USP12: variants seen among roughly 807,000 people sequenced by gnomAD.
USP12 encodes ubiquitin carboxyl-terminal hydrolase 12.
In USP12, 19 loss-of-function variants were observed where a neutral mutation model predicts 45.5. The ratio of observed to expected loss-of-function variants is 0.42; its 90% CI spans 0.29 to 0.61. USP12 has a LOEUF of 0.61. Among genes scored for constraint, USP12 ranks in the 20% least tolerant of loss-of-function variants. The pLI is 0.22. For synonymous variants in USP12, 149 were observed against 148.8 expected (o/e 1.00, Z -0.01); for missense variants, 242 against 447.7 (o/e 0.54, Z 4.15).
intron 6 of USP12, among the ~76,000 whole-genome samples, chr13:27,085,519 C>G (rs1375372558): frequency 6.6e-6 from 1 of 152,040 alleles, no homozygotes; most frequent in African/African-American, 2.4e-5. Context: ...GAACTATGGT[C>G]TGTATACTCA....
intron 4 of USP12, among the ~76,000 whole-genome samples, chr13:27,091,104 T>C (rs1874291233): frequency 6.6e-6 from 1 of 152,006 alleles, no homozygotes; most frequent in South Asian, 2.1e-4. Flanking sequence ...ACAAGATAAC[T>C]GACCTGAGTC....
At chr13:27,142,668 T>C (rs1289115894) in intron 1 of USP12, among the ~76,000 whole-genome samples, 1 of 152,212 alleles carries the variant, frequency 6.6e-6, no homozygotes, top group Non-Finnish European at 1.5e-5. Context: ...TCAAAAAAAT[T>C]ACAGTAGTCA....
intron 1 of USP12, among the ~76,000 whole-genome samples, chr13:27,168,174 A>G (rs1878432756): frequency 6.6e-6 from 1 of 151,968 alleles, no homozygotes; most frequent in African/African-American, 2.4e-5. Context: ...ATCTAATCTC[A>G]TGCCCTTGTA....
chr13:27,070,447 T>C (rs1873195393), intron 8 of USP12, among the ~76,000 whole-genome samples: 1 of 152,118 alleles, frequency 6.6e-6, no homozygotes. Flanking sequence ...GACACATGTA[T>C]AAAAATTCAT....
At chr13:27,146,639 A>G (rs1006542798) in intron 1 of USP12, among the ~76,000 whole-genome samples, 1 of 151,990 alleles carries the variant, frequency 6.6e-6, no homozygotes, top group Non-Finnish European at 1.5e-5. Flanking sequence ...CCTAAAATGA[A>G]CCAATTGCTA....
At chr13:27,086,857 C>T (rs1049582521) in intron 6 of USP12, among the ~76,000 whole-genome samples, 1 of 152,204 alleles carries the variant, frequency 6.6e-6, no homozygotes, top group Non-Finnish European at 1.5e-5. Context: ...CTTTGAGGTG[C>T]TCCCCATCAT....
In USP12 at chr13:27,171,680, CGGGCGGGGGAGGA is replaced by C. The variant is rs777231624; in HGVS notation, c.-54_-42del. 8.7e-7 allele frequency: 1 copy of C among 1,153,866 alleles called. No individual in the cohort carries two copies. Among genetic ancestry groups the C allele is most frequent in the African/African-American group, 1.7e-5 (1 of 60,498 alleles). The allele number at this position is 1,153,866 out of a possible 1,614,324, so 71.5% of individuals were successfully genotyped here. A position where few individuals can be genotyped will look rare whatever the true frequency, so the allele number is the denominator to read the frequency against. On this transcript the variant is annotated 5_prime_UTR_variant, in exon 1 of 9. Coordinates refer to ENST00000282344, the MANE Select transcript of USP12 (RefSeq NM_182488.4). ...TTCCACCCAATCACAGCGGCGGCGG[CGGGCGGGGGAGGA>C]GGGGAGCCGGGCCGCCCGCTCGCAC...
intron 6 of USP12, among the ~76,000 whole-genome samples, chr13:27,089,051 T>C (rs1466436113): frequency 1.3e-5 from 2 of 152,172 alleles, no homozygotes; most frequent in Non-Finnish European, 2.9e-5. Flanking sequence ...TAACTTATGA[T>C]TATCAAAAGT....
At position 27,129,315 on chromosome 13, in the gene USP12, T is replaced by C. The variant is rs943692158; in HGVS notation, c.49-12719A>G. Among the ~76,000 whole-genome samples, 2 of 152,238 alleles carry C rather than the reference T, an allele frequency of 1.3e-5. No individual in the cohort carries two copies. The highest frequency in any genetic ancestry group is 6.5e-5 in the Admixed American group (1 of 15,292). ...TATAAAATGTGGTTCTCTCTTACCA[T>C]TTTCCAGCTATAAAACTGTGGAAGA... On this transcript the variant is annotated intron_variant, in intron 1 of 8. Coordinates refer to ENST00000282344, the MANE Select transcript of USP12 (RefSeq NM_182488.4). The surrounding 1 kb of genome is among the most constrained non-coding windows in gnomAD (Gnocchi z 4.0).
chr13:27,099,886 G>A (rs981027880), intron 3 of USP12, among the ~76,000 whole-genome samples: 2 of 152,154 alleles, frequency 1.3e-5, no homozygotes, highest in Non-Finnish European at 2.9e-5. Context: ...AAAGTCATGA[G>A]TTCTAAGAGC....
At chr13:27,127,729 C>T (rs1876307643) in intron 1 of USP12, among the ~76,000 whole-genome samples, 1 of 152,194 alleles carries the variant, frequency 6.6e-6, no homozygotes, top group Non-Finnish European at 1.5e-5. Context: ...TCAACTGCCA[C>T]CACAGAAGCA....
chr13:27,073,007 A>T (rs529113774), intron 7 of USP12, among the ~76,000 whole-genome samples: 3 of 152,338 alleles, frequency 2.0e-5, no homozygotes, highest in African/African-American at 7.2e-5. Flanking sequence ...CTGTTCTCAT[A>T]AGGGAAGTAG....
intron 1 of USP12, among the ~76,000 whole-genome samples, chr13:27,142,273 A>G (rs1877099424): frequency 6.6e-6 from 1 of 152,226 alleles, no homozygotes; most frequent in Non-Finnish European, 1.5e-5. Flanking sequence ...ACGGTATACC[A>G]AACAATTGAC....
chr13:27,070,480 A>G (rs1348895632), intron 8 of USP12, among the ~76,000 whole-genome samples: 2 of 151,366 alleles, frequency 1.3e-5, no homozygotes, highest in Admixed American at 6.6e-5. Flanking sequence ...TGTATACTTT[A>G]CTGTATGTAT....
At chr13:27,131,073 G>A (rs1876477299) in intron 1 of USP12, among the ~76,000 whole-genome samples, 1 of 152,222 alleles carries the variant, frequency 6.6e-6, no homozygotes, top group African/African-American at 2.4e-5. Flanking sequence ...TCAAAATGCA[G>A]TAAAATTCAT....
At chr13:27,123,463 T>C (rs867814398) in intron 1 of USP12, among the ~76,000 whole-genome samples, 1 of 152,226 alleles carries the variant, frequency 6.6e-6, no homozygotes, top group African/African-American at 2.4e-5. Context: ...TCCTCAACAA[T>C]AGCCATCCAA....
intron 6 of USP12, among the ~76,000 whole-genome samples, chr13:27,076,386 C>T (rs1480900867): frequency 6.6e-6 from 1 of 152,174 alleles, no homozygotes; most frequent in African/African-American, 2.4e-5. Context: ...CCTTTGTACT[C>T]CTACTTCACC....
At chr13:27,161,743 A>G (rs907693442) in intron 1 of USP12, among the ~76,000 whole-genome samples, 2 of 152,002 alleles carry the variant, frequency 1.3e-5, no homozygotes, top group African/African-American at 4.8e-5. Context: ...ATAGCTGGGC[A>G]TGGTAGTGTG....
intron 1 of USP12, among the ~76,000 whole-genome samples, chr13:27,151,901 C>T (rs1463308727): frequency 6.6e-6 from 1 of 152,158 alleles, no homozygotes; most frequent in African/African-American, 2.4e-5. Context: ...TAAAGAGGTG[C>T]TCAACATCAT....
Sources: allele counts gnomAD v4.1 joint callset (sites outside exome capture counted in the v4.1 genomes callset), GRCh38; gene constraint gnomAD v4.1.1; non-coding constraint Gnocchi (gnomAD v3.1); transcripts MANE v1.5; gene names NCBI Gene and HGNC (gene_info 2026-07-23, HGNC 2026-07-21).